Variants in TJP2 observed in about 807,000 individuals in gnomAD.
The protein encoded by TJP2 is tight junction protein 2, also known as Friedreich ataxia region gene X104 (tight junction protein ZO-2).
Under a neutral mutation model 133.1 loss-of-function variants are expected in TJP2, and 91 were observed. That is an observed-to-expected ratio of 0.68 (90% CI 0.58 to 0.81). The LOEUF is 0.81. TJP2 is among the 40% of genes least tolerant of loss of function. The probability of loss-of-function intolerance (pLI) is 0.00; values close to 1 mark genes in which losing one functional copy is unlikely to be tolerated. For missense variants in TJP2, 1,541 were observed against 1,565.6 expected, an observed-to-expected ratio of 0.98 and a Z score of 0.26; for synonymous variants, 592 against 583.4, an observed-to-expected ratio of 1.01 and a Z score of -0.21.
At chr9:69,144,446 T>A (rs1450789762) in intron 1 of TJP2, among the ~76,000 whole-genome samples, 1 of 152,120 alleles carries the variant, frequency 6.6e-6, no homozygotes, top group Non-Finnish European at 1.5e-5. Context: ...TATGTATGGG[T>A]TTGTTTAGAC....
At position 69,230,554 on chromosome 9, in the gene TJP2, T is replaced by G. The variant is rs187298246; in HGVS notation, c.1671+322T>G. ...GATTTTTCAAAAAGATTTTTCTGATTTTTGCTTTTTTCACTGTGTTCCCCC... is the reference window on the plus strand; with the variant it reads ...GATTTTTCAAAAAGATTTTTCTGATGTTTGCTTTTTTCACTGTGTTCCCCC... On this transcript the variant is annotated intron_variant, in intron 11 of 22. Transcript: ENST00000377245. Among the ~76,000 whole-genome samples, 310 of 152,278 alleles carry G rather than the reference T, an allele frequency of 2.0e-3. 2 individuals carry two copies. Among genetic ancestry groups the G allele is most frequent in the Middle Eastern group, 6.8e-3 (2 of 294 alleles).
At chr9:69,171,453 T>C (rs564873587), upstream of TJP2, among the ~76,000 whole-genome samples, 3 of 152,186 alleles carry the variant, frequency 2.0e-5, no homozygotes, top group Non-Finnish European at 4.4e-5. Flanking sequence ...AACTTCACCT[T>C]CTGGCACCTC....
chr9:69,236,986 G>T lies in TJP2; in HGVS notation c.2029G>T (p.Asp677Tyr). 6.2e-7 allele frequency: 1 copy of T among 1,614,218 alleles called. No homozygotes were observed. ...GGCCAGTGTTCAAAATGCCCAGAGA[G>T]ACAACGCTGGGGACCGGGCAGATTT... ...QMASVQNAQR[D>Y]NAGDRADFWR... The change falls in exon 14 of 23, where the codon GAC becomes TAC. Residue 677 changes from aspartate to tyrosine, a missense_variant. Coordinates refer to ENST00000377245, the MANE Select transcript of TJP2 (RefSeq NM_004817.4).
intron 2 of TJP2, among the ~76,000 whole-genome samples, chr9:69,161,907 C>T (rs543195713): frequency 6.7e-6 from 1 of 149,624 alleles, no homozygotes; most frequent in South Asian, 2.1e-4. Context: ...AATTAGCCGG[C>T]GTGGTGGTGC....
At chr9:69,206,272 G>A (rs1015877866) in intron 1 of TJP2, among the ~76,000 whole-genome samples, 5 of 152,048 alleles carry the variant, frequency 3.3e-5, no homozygotes, top group Admixed American at 6.5e-5. Flanking sequence ...GTGACTTGGC[G>A]TTTTCTGCAT....
intron 14 of TJP2, 127 bp downstream of exon 14, chr9:69,237,263 T>A (rs1477880068): frequency 1.7e-6 from 2 of 1,162,934 alleles, no homozygotes; most frequent in African/African-American, 3.0e-5. Flanking sequence ...GTTTATAGAG[T>A]TGAAATCAAA....
At chr9:69,249,030 A>G (rs985093130) in intron 19 of TJP2, 3 of 1,014,398 alleles carry the variant, frequency 3.0e-6, no homozygotes, top group African/African-American at 3.4e-5. Flanking sequence ...AAAATACACC[A>G]TTACCACAGC....
In TJP2 at chr9:69,150,284, A is replaced by T. The variant is rs534350803; in HGVS notation, c.-130-1367A>T. On this transcript the variant is annotated intron_variant, in intron 1 of 5. Coordinates refer to the TJP2 transcript ENST00000423935. ...TATGTGTATTTTACTATAATAAAAA[A>T]TTTTTTTCTTTTCTTTTTTTTTTTT... 4.0e-3 allele frequency among the ~76,000 whole-genome samples: 608 copies of T among 151,136 alleles called. 6 individuals are homozygous for T. The highest frequency in any genetic ancestry group is 0.013 in the African/African-American group (547 of 41,226).
At chr9:69,217,052 G>C (rs1202737214) in intron 3 of TJP2, among the ~76,000 whole-genome samples, 1 of 147,768 alleles carries the variant, frequency 6.8e-6, no homozygotes, top group Non-Finnish European at 1.5e-5. Context: ...GCAGTGGTGC[G>C]ATCTCAGCTC....
At chr9:69,223,534 C>G (rs927548314) in intron 5 of TJP2, among the ~76,000 whole-genome samples, 2 of 152,202 alleles carry the variant, frequency 1.3e-5, no homozygotes, top group Admixed American at 6.5e-5. Flanking sequence ...GTCTCGATCT[C>G]CTGACCTCAT....
At chr9:69,206,859 G>A (rs910120616) in intron 1 of TJP2, among the ~76,000 whole-genome samples, 31 of 152,230 alleles carry the variant, frequency 2.0e-4, no homozygotes, top group Admixed American at 1.8e-3. Context: ...TTACAGGCGC[G>A]AGCCATCGCG....
At chr9:69,237,357 A>G (rs1406796949) in intron 14 of TJP2, among the ~76,000 whole-genome samples, 1 of 152,178 alleles carries the variant, frequency 6.6e-6, no homozygotes, top group Non-Finnish European at 1.5e-5. Flanking sequence ...ATGTTTTAAT[A>G]CCACTGTTCA....
chr9:69,149,435 C>T (rs879550341), intron 1 of TJP2, among the ~76,000 whole-genome samples: 4 of 151,368 alleles, frequency 2.6e-5, no homozygotes, highest in Non-Finnish European at 5.9e-5. Flanking sequence ...GTAGGATGTC[C>T]AGATGGCATA....
chr9:69,182,756 C>A (rs189756774), intron 1 of TJP2, among the ~76,000 whole-genome samples: 1 of 150,956 alleles, frequency 6.6e-6, no homozygotes, highest in African/African-American at 2.4e-5. Flanking sequence ...TATACACACA[C>A]ACAAATCTCA....
chr9:69,159,033 G>T (rs918784439), intron 2 of TJP2, among the ~76,000 whole-genome samples: 2 of 151,810 alleles, frequency 1.3e-5, no homozygotes. Flanking sequence ...TGCCGGGCAC[G>T]GTGGTTTACA....
chr9:69,250,104 T>A (rs1831221561), intron 20 of TJP2, among the ~76,000 whole-genome samples: 1 of 152,192 alleles, frequency 6.6e-6, no homozygotes, highest in Non-Finnish European at 1.5e-5. Flanking sequence ...ATTTATTATT[T>A]ATTATTACTA....
chr9:69,210,295 C>A (rs985618612), intron 1 of TJP2, among the ~76,000 whole-genome samples: 1 of 50,160 alleles, frequency 2.0e-5, no homozygotes, highest in Non-Finnish European at 4.6e-5. Flanking sequence ...TCCCCCCCCC[C>A]CCCCAAAAAA....
intron 1 of TJP2, among the ~76,000 whole-genome samples, chr9:69,185,659 TAATAA>T (rs1346069775): frequency 2.0e-5 from 3 of 152,196 alleles, no homozygotes; most frequent in Admixed American, 6.5e-5. Flanking sequence ...ACTTTATTAT[TAATAA>T]AATAAAAGGT....
chr9:69,146,090 T>A (rs1823199736), intron 1 of TJP2, among the ~76,000 whole-genome samples: 1 of 152,230 alleles, frequency 6.6e-6, no homozygotes, highest in African/African-American at 2.4e-5. Flanking sequence ...ATTTTCTGAT[T>A]TTGAAAATGT....
Sources: gnomAD v4.1 joint callset for allele counts (sites outside exome capture counted in the v4.1 genomes callset) on GRCh38, gnomAD v4.1.1 for gene constraint, MANE v1.5 for transcripts, NCBI Gene and HGNC (gene_info 2026-07-23, HGNC 2026-07-21) for gene names.